The following TAFA1 variants were observed in gnomAD, a reference collection of about 807,000 sequenced individuals.
TAFA1 encodes the protein TAFA chemokine like family member 1, also known as chemokine-like protein TAFA-1.
In TAFA1, 4 loss-of-function variants were observed where a neutral mutation model predicts 18.5. That is an observed-to-expected ratio of 0.22 (90% confidence interval 0.11 to 0.49). The LOEUF (loss-of-function observed/expected upper bound fraction) is 0.49. TAFA1 is among the 20% of genes least tolerant of loss of function. The pLI, the probability that TAFA1 is intolerant of heterozygous loss-of-function variation, is 0.98. For missense variants in TAFA1, 147 were observed against 169.0 expected (o/e 0.87, Z 0.72); for synonymous variants, 56 against 55.2 (o/e 1.01, Z -0.06).
At chr3:68,487,820 A>G (rs1430306281) in intron 3 of TAFA1, among the ~76,000 whole-genome samples, 1 of 151,620 alleles carries the variant, frequency 6.6e-6, no homozygotes, top group Non-Finnish European at 1.5e-5. Context: ...AGAAAAAAAA[A>G]AAAGGTGAAG....
intron 2 of TAFA1, among the ~76,000 whole-genome samples, chr3:68,346,178 A>G (rs1283133819): frequency 6.6e-6 from 1 of 152,050 alleles, no homozygotes; most frequent in East Asian, 1.9e-4. Context: ...TGTTTTTGAA[A>G]CAGGGTTTTA....
intron 2 of TAFA1, among the ~76,000 whole-genome samples, chr3:68,393,352 A>G (rs1403584393): frequency 1.3e-5 from 2 of 151,888 alleles, no homozygotes; most frequent in Non-Finnish European, 2.9e-5. Flanking sequence ...TCTCAAATAA[A>G]GGCAGTAATT....
chr3:68,454,775 A>C (rs1186574008), intron 3 of TAFA1, among the ~76,000 whole-genome samples: 1 of 152,198 alleles, frequency 6.6e-6, no homozygotes, highest in African/African-American at 2.4e-5. Flanking sequence ...TTAAAATGCT[A>C]TGTCCCTAAG....
chr3:68,222,813 C>G (rs2107096698), intron 2 of TAFA1, among the ~76,000 whole-genome samples: 1 of 152,112 alleles, frequency 6.6e-6, no homozygotes, highest in Non-Finnish European at 1.5e-5. Flanking sequence ...GCTGGGATTA[C>G]AGGCGCCTGC....
At chr3:68,217,802 T>C (rs189705333) in intron 2 of TAFA1, among the ~76,000 whole-genome samples, 20 of 152,226 alleles carry the variant, frequency 1.3e-4, no homozygotes, top group Admixed American at 1.3e-3. Context: ...ATTTATTTCA[T>C]TCTTACAAAG....
Position 68,482,599 on chromosome 3 carries a change from C to T in TAFA1, c.260-56157C>T, listed in dbSNP as rs114881230. Among the ~76,000 whole-genome samples, 3 of 152,200 alleles carry T rather than the reference C, an allele frequency of 2.0e-5. No individual in the cohort carries two copies. In the South Asian group the frequency reaches 6.2e-4, roughly 32 times the overall value. ...TCCATGAGTTTTGCCACACAGCTTT[C>T]ATTTCCTACTTCTCCTGGTTTAAAA... On this transcript the variant is annotated intron_variant, in intron 3 of 4. Transcript: ENST00000478136.
chr3:68,314,727 C>G (rs2068578242), intron 2 of TAFA1, among the ~76,000 whole-genome samples: 1 of 151,882 alleles, frequency 6.6e-6, no homozygotes, highest in Non-Finnish European at 1.5e-5. Flanking sequence ...ACATGTATAA[C>G]CTGTGGTGAG....
At chr3:68,320,382 G>A (rs912604100) in intron 2 of TAFA1, among the ~76,000 whole-genome samples, 50 of 152,286 alleles carry the variant, frequency 3.3e-4, no homozygotes, top group Non-Finnish European at 2.6e-4. Context: ...GCTGCCCACT[G>A]CAGACTGTAC....
At chr3:68,045,909 C>T (rs570443053) in intron 2 of TAFA1, among the ~76,000 whole-genome samples, 43 of 152,260 alleles carry the variant, frequency 2.8e-4, no homozygotes, top group African/African-American at 1.0e-3. Context: ...TGACTATGAG[C>T]TGTAAATAAT....
intron 3 of TAFA1, among the ~76,000 whole-genome samples, chr3:68,477,430 A>C (rs1208763627): frequency 1.3e-5 from 2 of 152,158 alleles, no homozygotes; most frequent in Non-Finnish European, 2.9e-5. Context: ...GCTGGAGTGC[A>C]GTGGTGCAAT....
chr3:68,491,466 C>T (rs1237152867), intron 3 of TAFA1, among the ~76,000 whole-genome samples: 2 of 144,100 alleles, frequency 1.4e-5, no homozygotes, highest in East Asian at 4.1e-4. Context: ...CGCATATTCT[C>T]ACTCATAGGT....
At chr3:68,262,697 G>T (rs1322443764) in intron 2 of TAFA1, among the ~76,000 whole-genome samples, 1 of 152,030 alleles carries the variant, frequency 6.6e-6, no homozygotes, top group African/African-American at 2.4e-5. Flanking sequence ...GGGCACCTAG[G>T]TTGATTCCAT....
intron 3 of TAFA1, among the ~76,000 whole-genome samples, chr3:68,522,787 T>G (rs556432103): frequency 2.6e-5 from 4 of 151,836 alleles, no homozygotes; most frequent in Non-Finnish European, 5.9e-5. Flanking sequence ...AGGTGGAGTT[T>G]GCAGTAAGCC....
At chr3:68,106,850 G>A (rs1005018548) in intron 2 of TAFA1, among the ~76,000 whole-genome samples, 2 of 152,034 alleles carry the variant, frequency 1.3e-5, no homozygotes, top group Non-Finnish European at 2.9e-5. Context: ...AGTCATTAGG[G>A]AAACTCAAAT....
At chr3:68,459,379 T>C (rs2071730977) in intron 3 of TAFA1, among the ~76,000 whole-genome samples, 1 of 152,186 alleles carries the variant, frequency 6.6e-6, no homozygotes, top group South Asian at 2.1e-4. Context: ...GAAAAATTCT[T>C]CCCATACTTT....
At chr3:68,188,522 T>G (rs13063296) in intron 2 of TAFA1, among the ~76,000 whole-genome samples, 80,723 of 143,700 alleles carry the variant, frequency 0.56, 24,242 homozygotes, top group Non-Finnish European at 0.66. Context: ...TATATATATA[T>G]AGAGAGAGAG....
intron 3 of TAFA1, among the ~76,000 whole-genome samples, chr3:68,471,330 G>C (rs2071994017): frequency 6.6e-6 from 1 of 152,176 alleles, no homozygotes; most frequent in South Asian, 2.1e-4. Flanking sequence ...CTGCCTAGTG[G>C]GGCTGTGAGA....
chr3:68,250,538 G>A (rs1316615356), intron 2 of TAFA1, among the ~76,000 whole-genome samples: 1 of 152,004 alleles, frequency 6.6e-6, no homozygotes, highest in Non-Finnish European at 1.5e-5. Flanking sequence ...GGCTTCCTAG[G>A]AATAACACAC....
At chr3:68,228,440 A>G (rs1410774753) in intron 2 of TAFA1, among the ~76,000 whole-genome samples, 1 of 152,150 alleles carries the variant, frequency 6.6e-6, no homozygotes, top group Non-Finnish European at 1.5e-5. Context: ...ATCAACTGCT[A>G]TGTCAGGCAT....
Sources: gnomAD v4.1 joint callset for allele counts (sites outside exome capture counted in the v4.1 genomes callset) on GRCh38, gnomAD v4.1.1 for gene constraint, MANE v1.5 for transcripts, NCBI Gene and HGNC (gene_info 2026-07-23, HGNC 2026-07-21) for gene names.